Variants in ZFPM1 observed in about 807,000 individuals in gnomAD.
The protein encoded by ZFPM1 is zinc finger protein ZFPM1.
Under a neutral mutation model 46.3 loss-of-function variants are expected in ZFPM1, and 28 were observed. The observed-to-expected ratio is 0.60, with a 90% confidence interval of 0.45 to 0.83. ZFPM1 has a LOEUF of 0.83. Ranked by LOEUF, ZFPM1 falls within the 40% of genes least tolerant of loss-of-function variation. The pLI, the probability that ZFPM1 is intolerant of heterozygous loss-of-function variation, is 0.00. For synonymous variants in ZFPM1, 957 were observed against 675.9 expected (o/e 1.42, Z -6.45); for missense variants, 1,878 against 1,432.4 (o/e 1.31, Z -5.02).
At chr16:88,478,392 C>T (rs1198398549) in intron 1 of ZFPM1, among the ~76,000 whole-genome samples, 3 of 152,362 alleles carry the variant, frequency 2.0e-5, no homozygotes, top group East Asian at 1.9e-4. Flanking sequence ...GCACTCTTCC[C>T]GCCTGGGCCT....
chr16:88,476,558 A>G (rs1472245877), intron 1 of ZFPM1, among the ~76,000 whole-genome samples: 2 of 151,930 alleles, frequency 1.3e-5, no homozygotes, highest in Non-Finnish European at 2.9e-5. Flanking sequence ...ATTTTCGGAA[A>G]CCAGGTGGGA....
intron 1 of ZFPM1, among the ~76,000 whole-genome samples, chr16:88,461,066 CCAGGGGCAGAAGGTCTGGT>C: frequency 9.9e-6 from 1 of 101,100 alleles, no homozygotes; most frequent in African/African-American, 4.7e-5. Context: ...TGGTGAGGAC[CCAGGGGCAGAAGGTCTGGT>C]GAGGACCAAG....
At chr16:88,475,459 G>T (rs1567530693) in intron 1 of ZFPM1, among the ~76,000 whole-genome samples, 1 of 151,780 alleles carries the variant, frequency 6.6e-6, no homozygotes, top group Non-Finnish European at 1.5e-5. Context: ...CCTGGAAGCT[G>T]CACAGACCTG....
Position 88,536,456 on chromosome 16 carries a change from G to A in ZFPM1, c.*1477G>A, listed in dbSNP as rs1297659996. 1 of 152,228 alleles carries A rather than the reference G, an allele frequency of 6.6e-6. No homozygotes were observed. Among genetic ancestry groups the A allele is most frequent in the Non-Finnish European group, 1.5e-5 (1 of 68,048 alleles). The allele number at this position is 152,228 out of a possible 1,614,324, so 9.4% of individuals were successfully genotyped here. A position where few individuals can be genotyped will look rare whatever the true frequency, so the allele number is the denominator to read the frequency against. ...CCCAGAACATTAGGATGACAGGCGC[G>A]AGCTACCATTCCCAGCCCATTTCCA... On this transcript the variant is annotated 3_prime_UTR_variant, in exon 10 of 10. Coordinates refer to ENST00000319555, the MANE Select transcript of ZFPM1 (RefSeq NM_153813.3).
At chr16:88,481,163 A>G (rs1009433706) in intron 1 of ZFPM1, among the ~76,000 whole-genome samples, 3 of 152,158 alleles carry the variant, frequency 2.0e-5, no homozygotes, top group Admixed American at 6.5e-5. Context: ...GTGATAACCA[A>G]GGGGCTCCGG....
intron 3 of ZFPM1, among the ~76,000 whole-genome samples, chr16:88,490,261 C>T (rs1909487240): frequency 6.6e-6 from 1 of 152,124 alleles, no homozygotes; most frequent in Non-Finnish European, 1.5e-5. Context: ...ACCGTGTTAG[C>T]CAGGATGGTC....
intron 4 of ZFPM1, chr16:88,516,023 G>T (rs1023221624): frequency 1.7e-4 from 68 of 397,828 alleles, no homozygotes; most frequent in African/African-American, 1.4e-3. Context: ...GAGATTGGAG[G>T]GCTCTGTGAG....
chr16:88,513,955 A>C (rs1911124547), intron 3 of ZFPM1, among the ~76,000 whole-genome samples: 1 of 152,214 alleles, frequency 6.6e-6, no homozygotes, highest in Non-Finnish European at 1.5e-5. Context: ...AAGAGCCTTA[A>C]TCTAATTGCA....
At chr16:88,494,338 C>CA (rs1449630094) in intron 3 of ZFPM1, among the ~76,000 whole-genome samples, 2 of 151,888 alleles carry the variant, frequency 1.3e-5, no homozygotes, top group Non-Finnish European at 2.9e-5. Context: ...GCTCACCCCC[C>CA]AAACCCCGTT....
chr16:88,465,859 G>C (rs769721911), intron 1 of ZFPM1, among the ~76,000 whole-genome samples: 1 of 152,220 alleles, frequency 6.6e-6, no homozygotes, highest in African/African-American at 2.4e-5. Flanking sequence ...ATTAGAGCCC[G>C]GCGTGCGGCT....
At chr16:88,484,842 G>T (rs561122095) in intron 1 of ZFPM1, among the ~76,000 whole-genome samples, 1 of 152,206 alleles carries the variant, frequency 6.6e-6, no homozygotes, top group Non-Finnish European at 1.5e-5. Flanking sequence ...TGTGGGGTCC[G>T]GAGCAGCTGC....
Position 88,534,759 on chromosome 16 carries a change from C to G in ZFPM1, c.2801C>G (p.Pro934Arg). The change falls in exon 10 of 10, where the codon CCG becomes CGG. Residue 934 changes from proline to arginine, a missense_variant. Physicochemically the swap from Pro to Arg is moderately radical, Grantham distance 103 (BLOSUM62 -2). Coordinates refer to ENST00000319555, the MANE Select transcript of ZFPM1 (RefSeq NM_153813.3). ...EPQEPPPGPP[P>R]SPAAAPEAVP... ...CAGGAGCCGCCGCCCGGCCCGCCCC[C>G]GTCCCCGGCCGCCGCGCCCGAGGCC... is the stretch of plus-strand genomic sequence containing the variant. 4 of 1,085,762 alleles carry G rather than the reference C, an allele frequency of 3.7e-6. No individual in the cohort carries two copies. The allele number at this position is 1,085,762 out of a possible 1,614,324, so 67.3% of individuals were successfully genotyped here. A position where few individuals can be genotyped will look rare whatever the true frequency, so the allele number is the denominator to read the frequency against.
chr16:88,487,816 C>A (rs1443312317), intron 2 of ZFPM1, among the ~76,000 whole-genome samples: 1 of 152,170 alleles, frequency 6.6e-6, no homozygotes, highest in African/African-American at 2.4e-5. Context: ...GACCCCAGGG[C>A]TGGGGCCGCC....
intron 4 of ZFPM1, among the ~76,000 whole-genome samples, chr16:88,523,181 G>A (rs1361504529): frequency 2.0e-5 from 3 of 151,156 alleles, no homozygotes; most frequent in Non-Finnish European, 4.4e-5. Context: ...ACTCCAGGCT[G>A]GGGGACAAGA....
At chr16:88,526,207 C>T (rs112310235) in intron 4 of ZFPM1, among the ~76,000 whole-genome samples, 5 of 152,314 alleles carry the variant, frequency 3.3e-5, no homozygotes, top group Admixed American at 6.5e-5. Context: ...CGAGCGGGAA[C>T]GCAGGTGGCC....
In ZFPM1 at chr16:88,523,573, G is replaced by A. The variant is rs572948700; in HGVS notation, c.403-3241G>A. Among the ~76,000 whole-genome samples, 316 of 152,334 alleles carry A rather than the reference G, an allele frequency of 2.1e-3. 1 individual carries two copies. The highest frequency in any genetic ancestry group is 7.4e-3 in the African/African-American group (307 of 41,572). On this transcript the variant is annotated intron_variant, in intron 4 of 9. Coordinates refer to ENST00000319555, the MANE Select transcript of ZFPM1 (RefSeq NM_153813.3). ...CACCTCCAGGCTGGGGACCCTGGTGGCCCCAGGCGAGGCTGTGCTCACCTG... is the reference window on the plus strand; with the variant it reads ...CACCTCCAGGCTGGGGACCCTGGTGACCCCAGGCGAGGCTGTGCTCACCTG...
At chr16:88,526,352 G>A (rs936665943) in intron 4 of ZFPM1, among the ~76,000 whole-genome samples, 1 of 152,194 alleles carries the variant, frequency 6.6e-6, no homozygotes, top group Non-Finnish European at 1.5e-5. Context: ...AGGCATCTAG[G>A]GCCTGTGTGG....
intron 3 of ZFPM1, among the ~76,000 whole-genome samples, chr16:88,501,041 G>C (rs796958492): frequency 6.8e-6 from 1 of 147,868 alleles, no homozygotes; most frequent in South Asian, 2.2e-4. Context: ...GGGAAACTGA[G>C]ACACCACTGC....
intron 1 of ZFPM1, among the ~76,000 whole-genome samples, chr16:88,467,011 G>A (rs904109422): frequency 6.6e-6 from 1 of 152,078 alleles, no homozygotes; most frequent in Non-Finnish European, 1.5e-5. Context: ...GGTCCCTGGG[G>A]TGGGGCCACC....
Sources: gnomAD v4.1 joint callset for allele counts (sites outside exome capture counted in the v4.1 genomes callset) on GRCh38, gnomAD v4.1.1 for gene constraint, MANE v1.5 for transcripts, NCBI Gene and HGNC (gene_info 2026-07-23, HGNC 2026-07-21) for gene names.